ANKS1B: variants seen among roughly 807,000 people sequenced by gnomAD.
The protein encoded by ANKS1B is ankyrin repeat and sterile alpha motif domain containing 1B.
In ANKS1B, 36 loss-of-function variants were observed where a neutral mutation model predicts 148.3. That is an observed-to-expected ratio of 0.24 (90% CI 0.19 to 0.32). ANKS1B has a LOEUF of 0.32. ANKS1B is among the 10% of genes least tolerant of loss of function. ANKS1B has a pLI of 1.00. For missense variants in ANKS1B, 1,157 were observed against 1,542.6 expected, an observed-to-expected ratio of 0.75 and a Z score of 4.19; for synonymous variants, 542 against 560.8, an observed-to-expected ratio of 0.97 and a Z score of 0.47.
At chr12:99,157,694 A>C (rs908186723) in intron 14 of ANKS1B, among the ~76,000 whole-genome samples, 1 of 152,106 alleles carries the variant, frequency 6.6e-6, no homozygotes, top group African/African-American at 2.4e-5. Flanking sequence ...ATGGGAGATT[A>C]CATAATGGGT....
At chr12:98,792,833 T>C (rs1323362846) in intron 22 of ANKS1B, among the ~76,000 whole-genome samples, 2 of 152,198 alleles carry the variant, frequency 1.3e-5, no homozygotes, top group African/African-American at 2.4e-5. Flanking sequence ...ATATACCACA[T>C]TTTCTTTACG....
At chr12:99,288,149 A>C (rs977715063) in intron 12 of ANKS1B, among the ~76,000 whole-genome samples, 3 of 152,174 alleles carry the variant, frequency 2.0e-5, no homozygotes, top group African/African-American at 7.2e-5. Flanking sequence ...AGTATAAAGA[A>C]AGAAACTTAA....
rs1434786843 is a variant in ANKS1B at position 99,406,181 on chromosome 12, T to G, written c.1576-6370A>C. On this transcript the variant is annotated intron_variant, in intron 11 of 26. Transcript: ENST00000683438. Reference sequence around the variant, plus strand: ...CTATAGGTCAAATGGGCTTAATAGGTATCTACAGAACATTTCAATGAACAG... The same window carrying G: ...CTATAGGTCAAATGGGCTTAATAGGGATCTACAGAACATTTCAATGAACAG... Among the ~76,000 whole-genome samples the G allele has an allele frequency of 4.1e-5, 6 of 145,496 alleles. 1 individual carries two copies. The highest frequency in any genetic ancestry group is 1.6e-4 in the African/African-American group (6 of 38,420).
intron 25 of ANKS1B, among the ~76,000 whole-genome samples, chr12:98,758,624 C>G (rs138066531): frequency 7.9e-5 from 12 of 152,276 alleles, no homozygotes; most frequent in South Asian, 4.1e-4. Context: ...CGAGGCAACT[C>G]CCATCCTCAG....
At chr12:99,035,919 C>T (rs1420336786) in intron 17 of ANKS1B, among the ~76,000 whole-genome samples, 7 of 152,118 alleles carry the variant, frequency 4.6e-5, no homozygotes, top group East Asian at 1.9e-4. Flanking sequence ...GGTCTGAAAG[C>T]GACTGAGGTT....
At chr12:99,592,598 TGAAGA>T (rs1431823959) in intron 9 of ANKS1B, among the ~76,000 whole-genome samples, 6 of 151,786 alleles carry the variant, frequency 4.0e-5, no homozygotes, top group African/African-American at 7.3e-5. Context: ...GGAGAAGGAC[TGAAGA>T]GAAGAGAAAG....
intron 12 of ANKS1B, among the ~76,000 whole-genome samples, chr12:99,345,794 C>T (rs1322058375): frequency 5.3e-5 from 8 of 152,058 alleles, no homozygotes; most frequent in South Asian, 2.1e-4. Context: ...AAACAGCTGG[C>T]ATCACCTGCG....
rs369353550 is a variant in ANKS1B, at chr12:99,648,187, T to C, written c.1272+6880A>G. On this transcript the variant is annotated intron_variant, in intron 9 of 26. Transcript: ENST00000683438. ...TTTAAAGGAAGACATGGAGGACTGCTGTATGCTACCGTATTACACGGCCCA... is the reference window on the plus strand; with the variant it reads ...TTTAAAGGAAGACATGGAGGACTGCCGTATGCTACCGTATTACACGGCCCA... 17 of 1,613,282 alleles carry C rather than the reference T, an allele frequency of 1.1e-5. No homozygotes were observed. In the African/African-American group the frequency reaches 1.5e-4, roughly 14 times the overall value.
chr12:98,998,126 A>C (rs1568271005), intron 17 of ANKS1B, among the ~76,000 whole-genome samples: 2 of 152,244 alleles, frequency 1.3e-5, no homozygotes, highest in East Asian at 1.9e-4. Context: ...CTGTTCTGAG[A>C]ATTCAGCACT....
intron 14 of ANKS1B, among the ~76,000 whole-genome samples, chr12:99,201,291 G>A (rs1015288139): frequency 1.3e-5 from 2 of 151,856 alleles, no homozygotes; most frequent in Admixed American, 6.6e-5. Context: ...GACAGTGACA[G>A]ACTGTCTTTG....
chr12:99,116,578 T>C (rs948869383), intron 15 of ANKS1B, among the ~76,000 whole-genome samples: 3 of 152,204 alleles, frequency 2.0e-5, no homozygotes, highest in Admixed American at 2.0e-4. Context: ...CCTGTCTTTT[T>C]CGTTATCTTT....
intron 9 of ANKS1B, among the ~76,000 whole-genome samples, chr12:99,602,052 C>T (rs893385913): frequency 4.6e-5 from 7 of 152,020 alleles, no homozygotes; most frequent in Middle Eastern, 3.4e-3. Context: ...GTTTCTATGG[C>T]CTGCCTTGGG....
intron 17 of ANKS1B, among the ~76,000 whole-genome samples, chr12:98,850,860 G>A (rs2099520942): frequency 6.6e-6 from 1 of 151,852 alleles, no homozygotes; most frequent in African/African-American, 2.4e-5. Context: ...ACAGCACCCA[G>A]GCCAGCCAAG....
intron 16 of ANKS1B, among the ~76,000 whole-genome samples, chr12:99,074,960 A>G (rs147890582): frequency 1.7e-3 from 261 of 152,290 alleles, no homozygotes; most frequent in South Asian, 0.016. Context: ...ATGAGGTGTA[A>G]TGGGAACACA....
At chr12:99,550,700 CA>C in intron 9 of ANKS1B, among the ~76,000 whole-genome samples, 1 of 151,956 alleles carries the variant, frequency 6.6e-6, no homozygotes, top group Non-Finnish European at 1.5e-5. Context: ...ATTTATTTTG[CA>C]CACTTAGGTC....
intron 14 of ANKS1B, among the ~76,000 whole-genome samples, chr12:99,219,015 A>G (rs1399634706): frequency 5.3e-5 from 8 of 152,214 alleles, no homozygotes; most frequent in Non-Finnish European, 8.8e-5. Flanking sequence ...CTTGATTGAC[A>G]CAAATAATCC....
intron 9 of ANKS1B, among the ~76,000 whole-genome samples, chr12:99,585,315 C>A (rs1308262362): frequency 6.6e-6 from 1 of 152,156 alleles, no homozygotes; most frequent in African/African-American, 2.4e-5. Flanking sequence ...TCCTTTGACG[C>A]CATGTCTCAC....
chr12:98,977,890 A>G (rs529977280), intron 17 of ANKS1B, among the ~76,000 whole-genome samples: 1 of 152,156 alleles, frequency 6.6e-6, no homozygotes, highest in South Asian at 2.1e-4. Context: ...AAAGAGTGAT[A>G]TAGATTCAGT....
At position 98,745,567 on chromosome 12, in the gene ANKS1B, C is replaced by G. The variant is rs2097862791; in HGVS notation, c.*172G>C. On this transcript the variant is annotated 3_prime_UTR_variant, in exon 27 of 27. Coordinates refer to ENST00000683438, the MANE Select transcript of ANKS1B (RefSeq NM_001352186.2). ...CTGGAAAGTCTTGCGTTTTCCATCA[C>G]TGGTGCAGAAAGAACTTCCCCAGGA... 2.9e-6 allele frequency: 4 copies of G among 1,387,362 alleles called. No individual in the cohort carries two copies. Among genetic ancestry groups the G allele is most frequent in the Non-Finnish European group, 3.7e-6 (4 of 1,068,152 alleles). The allele number at this position is 1,387,362 out of a possible 1,614,324, so 85.9% of individuals were successfully genotyped here.
Sources: gnomAD v4.1 joint callset for allele counts (sites outside exome capture counted in the v4.1 genomes callset) on GRCh38, gnomAD v4.1.1 for gene constraint, MANE v1.5 for transcripts, NCBI Gene and HGNC (gene_info 2026-07-23, HGNC 2026-07-21) for gene names.